The following FOXN3 variants were observed in gnomAD, a reference collection of about 807,000 sequenced individuals.
FOXN3 encodes forkhead box protein N3.
Under a neutral mutation model 38.4 loss-of-function variants are expected in FOXN3, and 7 were observed. That is an observed-to-expected ratio of 0.18 (90% confidence interval 0.10 to 0.34). FOXN3 has a LOEUF of 0.34. Ranked by LOEUF, FOXN3 falls within the 10% of genes least tolerant of loss-of-function variation. FOXN3 has a pLI of 1.00. For missense variants in FOXN3, 456 were observed against 613.4 expected (o/e 0.74, Z 2.71); for synonymous variants, 230 against 242.2 (o/e 0.95, Z 0.47).
At chr14:89,376,991 G>A (rs142984665) in intron 2 of FOXN3, among the ~76,000 whole-genome samples, 96 of 102,830 alleles carry the variant, frequency 9.3e-4, no homozygotes, top group African/African-American at 3.0e-3. Flanking sequence ...ATTGCACTCC[G>A]GCCTGAGCAA....
intron 1 of FOXN3, among the ~76,000 whole-genome samples, chr14:89,500,479 A>G (rs928066451): frequency 2.0e-5 from 3 of 152,226 alleles, no homozygotes; most frequent in African/African-American, 7.2e-5. Flanking sequence ...AGGAGAGGTC[A>G]GGGACCTTTA....
chr14:89,522,452 C>A (rs906058943), intron 1 of FOXN3, among the ~76,000 whole-genome samples: 1 of 152,088 alleles, frequency 6.6e-6, no homozygotes, highest in Non-Finnish European at 1.5e-5. Context: ...AATAACAATA[C>A]AAGTTAATAT....
chr14:89,434,371 G>A, intron 1 of FOXN3, among the ~76,000 whole-genome samples: 1 of 151,818 alleles, frequency 6.6e-6, no homozygotes, highest in Non-Finnish European at 1.5e-5. Flanking sequence ...GGGATTACAG[G>A]TGCCTGCCAC....
chr14:89,230,846 G>A (rs936637498), intron 4 of FOXN3: 20 of 455,778 alleles, frequency 4.4e-5, no homozygotes, highest in Non-Finnish European at 7.9e-5. Flanking sequence ...GTTTCTCAAT[G>A]GAGATGAAGG....
intron 5 of FOXN3, among the ~76,000 whole-genome samples, chr14:89,173,834 TAGA>T (rs1566920986): frequency 6.6e-6 from 1 of 151,914 alleles, no homozygotes; most frequent in Non-Finnish European, 1.5e-5. Context: ...TTACAAAAAA[TAGA>T]AGAATTAGCC....
chr14:89,273,292 A>G (rs905439957), intron 4 of FOXN3, among the ~76,000 whole-genome samples: 2 of 152,212 alleles, frequency 1.3e-5, no homozygotes, highest in East Asian at 1.9e-4. Context: ...CATGAGATTA[A>G]GCCCACACAC....
intron 1 of FOXN3, among the ~76,000 whole-genome samples, chr14:89,509,194 C>T (rs545658353): frequency 2.6e-5 from 4 of 152,326 alleles, no homozygotes; most frequent in Non-Finnish European, 5.9e-5. Flanking sequence ...TCCCCTCCAT[C>T]AGTGAAGGAA....
At chr14:89,526,637 T>G (rs74078955) in intron 1 of FOXN3, among the ~76,000 whole-genome samples, 1,951 of 152,308 alleles carry the variant, frequency 0.013, 48 homozygotes, top group African/African-American at 0.044. Flanking sequence ...ACTATGTTCA[T>G]GGAAGATTCA....
At chr14:89,256,283 A>G (rs1370582730) in intron 4 of FOXN3, among the ~76,000 whole-genome samples, 1 of 152,192 alleles carries the variant, frequency 6.6e-6, no homozygotes, top group East Asian at 1.9e-4. Context: ...CAATCAGTCA[A>G]TCATCAATCA....
At chr14:89,292,533 C>A (rs1276213813) in intron 3 of FOXN3, among the ~76,000 whole-genome samples, 6 of 152,164 alleles carry the variant, frequency 3.9e-5, no homozygotes. Context: ...CAGGAGGGCT[C>A]CTTCCTCATG....
At chr14:89,602,937 A>G (rs958488684) in intron 1 of FOXN3, among the ~76,000 whole-genome samples, 1 of 152,210 alleles carries the variant, frequency 6.6e-6, no homozygotes, top group Non-Finnish European at 1.5e-5. Context: ...GTAAAATAAG[A>G]GCTCAGAGAA....
At chr14:89,353,872 GGCGT>G (rs1365437367) in intron 2 of FOXN3, 3 of 151,126 alleles carry the variant, frequency 2.0e-5, no homozygotes, top group Non-Finnish European at 4.4e-5. Context: ...TGGTATTACA[GGCGT>G]GCATCACCAT....
chr14:89,533,586 C>T (rs546264728), intron 1 of FOXN3, among the ~76,000 whole-genome samples: 58 of 139,828 alleles, frequency 4.1e-4, no homozygotes, highest in African/African-American at 1.2e-3. Flanking sequence ...GGCGTGAACC[C>T]GGGAGGCGGA....
intron 1 of FOXN3, among the ~76,000 whole-genome samples, chr14:89,477,207 C>T (rs1442253029): frequency 6.6e-6 from 1 of 152,118 alleles, no homozygotes; most frequent in Non-Finnish European, 1.5e-5. Flanking sequence ...CCAAGCACGG[C>T]ACCTCGGAAT....
intron 4 of FOXN3, among the ~76,000 whole-genome samples, chr14:89,243,655 T>C (rs1885206432): frequency 6.6e-6 from 1 of 152,238 alleles, no homozygotes; most frequent in African/African-American, 2.4e-5. Context: ...TTTATCTTCC[T>C]TCTGCTACAG....
Position 89,180,693 on chromosome 14 carries a change from C to T in FOXN3, c.851+8G>A. 1 of 1,598,532 alleles carries T rather than the reference C, an allele frequency of 6.3e-7. No individual in the cohort carries two copies. The highest frequency in any genetic ancestry group is 8.5e-7 in the Non-Finnish European group (1 of 1,171,012). On this transcript the variant is annotated splice_region_variant and intron_variant, in intron 5 of 5. Coordinates refer to ENST00000557258, the MANE Select transcript of FOXN3 (RefSeq NM_005197.4). ...AGGCTGGCTCTGCCCAGCGCACTCC[C>T]CACTTACCTCATGGCCGCTGTCACC...
chr14:89,555,884 G>GGGGGT (rs1895112741), intron 1 of FOXN3, among the ~76,000 whole-genome samples: 1 of 90,184 alleles, frequency 1.1e-5, no homozygotes. Context: ...TGTATGTGGG[G>GGGGGT]GTGTATGTGG....
chr14:89,582,233 C>T (rs542289647), intron 1 of FOXN3, among the ~76,000 whole-genome samples: 27 of 152,226 alleles, frequency 1.8e-4, no homozygotes, highest in Admixed American at 5.2e-4. Flanking sequence ...TTTTCAGCTG[C>T]CCGCTCCTCA....
At chr14:89,291,507 C>G in intron 3 of FOXN3, 2 of 593,426 alleles carry the variant, frequency 3.4e-6, no homozygotes, top group Non-Finnish European at 6.6e-6. Context: ...CCGCCATCCC[C>G]AGGGGGCCTG....
Sources: allele counts gnomAD v4.1 joint callset (sites outside exome capture counted in the v4.1 genomes callset), GRCh38; gene constraint gnomAD v4.1.1; transcripts MANE v1.5; gene names NCBI Gene and HGNC (gene_info 2026-07-23, HGNC 2026-07-21).